Variants in PPFIA2 observed in about 807,000 individuals in gnomAD.
PPFIA2 encodes PPFI scaffold protein A2.
Under a neutral mutation model 175.5 loss-of-function variants are expected in PPFIA2, and 46 were observed. The ratio of observed to expected loss-of-function variants is 0.26; its 90% confidence interval spans 0.21 to 0.34. PPFIA2 has a LOEUF of 0.34. Ranked by LOEUF, PPFIA2 falls within the 10% of genes least tolerant of loss-of-function variation. PPFIA2 has a pLI of 1.00. For missense variants in PPFIA2, 1,179 were observed against 1,506.1 expected, an observed-to-expected ratio of 0.78 and a Z score of 3.60; for synonymous variants, 568 against 511.4, an observed-to-expected ratio of 1.11 and a Z score of -1.49.
intron 4 of PPFIA2, among the ~76,000 whole-genome samples, chr12:81,473,842 C>T (rs1464333057): frequency 6.6e-6 from 1 of 152,068 alleles, no homozygotes; most frequent in African/African-American, 2.4e-5. Flanking sequence ...GACTGTTGTC[C>T]ATGTTATGCA....
chr12:81,417,813 A>T (rs1266128392), intron 7 of PPFIA2, among the ~76,000 whole-genome samples: 2 of 151,938 alleles, frequency 1.3e-5, no homozygotes, highest in East Asian at 1.9e-4. Flanking sequence ...AATAAAGAAA[A>T]TGAGATTTAC....
At chr12:81,683,855 A>G (rs2074049583) in intron 3 of PPFIA2, among the ~76,000 whole-genome samples, 1 of 152,074 alleles carries the variant, frequency 6.6e-6, no homozygotes, top group Non-Finnish European at 1.5e-5. Flanking sequence ...TCTGCATCTG[A>G]GCAGGGCCTT....
At chr12:81,497,368 A>T (rs2060127880) in intron 4 of PPFIA2, among the ~76,000 whole-genome samples, 1 of 151,958 alleles carries the variant, frequency 6.6e-6, no homozygotes, top group Admixed American at 6.6e-5. Flanking sequence ...TTATTTGTAA[A>T]TTACTCCTTT....
At chr12:81,354,838 T>A (rs2060629713) in intron 16 of PPFIA2, among the ~76,000 whole-genome samples, 1 of 152,062 alleles carries the variant, frequency 6.6e-6, no homozygotes. Flanking sequence ...GAGATGAGAT[T>A]TCACCATGTT....
intron 4 of PPFIA2, among the ~76,000 whole-genome samples, chr12:81,543,595 T>C (rs1046859084): frequency 6.6e-6 from 1 of 152,128 alleles, no homozygotes; most frequent in Non-Finnish European, 1.5e-5. Context: ...AGGTGGAGCA[T>C]AACTCCCTAC....
chr12:81,692,597 A>T (rs1421737804), intron 3 of PPFIA2, among the ~76,000 whole-genome samples: 1 of 152,132 alleles, frequency 6.6e-6, no homozygotes, highest in Admixed American at 6.6e-5. Flanking sequence ...AGAAATAAGC[A>T]ATTTTCTTCC....
chr12:81,539,674 T>C (rs1353729508), intron 4 of PPFIA2, among the ~76,000 whole-genome samples: 1 of 151,922 alleles, frequency 6.6e-6, no homozygotes, highest in East Asian at 1.9e-4. Context: ...GTAAAAATTA[T>C]GAATTTTAAT....
At chr12:81,376,343 A>G (rs372221635) in intron 9 of PPFIA2, among the ~76,000 whole-genome samples, 1 of 152,178 alleles carries the variant, frequency 6.6e-6, no homozygotes, top group African/African-American at 2.4e-5. Context: ...GCAGTCTTCA[A>G]ATAGATAACA....
At chr12:81,554,182 AG>A (rs1344922099) in intron 4 of PPFIA2, among the ~76,000 whole-genome samples, 1 of 152,056 alleles carries the variant, frequency 6.6e-6, no homozygotes, top group African/African-American at 2.4e-5. Flanking sequence ...AGTAGGAAGA[AG>A]GGGATACAAG....
chr12:81,606,607 A>T (rs4394906), intron 4 of PPFIA2, among the ~76,000 whole-genome samples: 134,457 of 152,180 alleles, frequency 0.88, 59,524 homozygotes, highest in East Asian at 1. Context: ...TGGCCACTTG[A>T]ATGTCTTCCT....
At chr12:81,726,834 T>C (rs745795523) in intron 3 of PPFIA2, among the ~76,000 whole-genome samples, 2 of 151,308 alleles carry the variant, frequency 1.3e-5, no homozygotes, top group Non-Finnish European at 3.0e-5. Context: ...CAACAGAATG[T>C]AAGTAGAAGT....
chr12:81,420,716 A>G (rs1470106369), intron 7 of PPFIA2, among the ~76,000 whole-genome samples: 2 of 152,092 alleles, frequency 1.3e-5, no homozygotes, highest in African/African-American at 4.8e-5. Flanking sequence ...AGTCCCAAAA[A>G]GAGAAAAAGA....
At chr12:81,612,879 T>C (rs1044474301) in intron 4 of PPFIA2, among the ~76,000 whole-genome samples, 1 of 152,216 alleles carries the variant, frequency 6.6e-6, no homozygotes, top group Non-Finnish European at 1.5e-5. Context: ...TGGTGTTTTC[T>C]TTCCGTATTT....
At chr12:81,584,058 G>A (rs960714775) in intron 4 of PPFIA2, among the ~76,000 whole-genome samples, 6 of 151,624 alleles carry the variant, frequency 4.0e-5, no homozygotes, top group South Asian at 2.1e-4. Context: ...TCTTACAATC[G>A]TCTATTAAAA....
At chr12:81,521,024 T>C (rs1358296523) in intron 4 of PPFIA2, among the ~76,000 whole-genome samples, 1 of 152,208 alleles carries the variant, frequency 6.6e-6, no homozygotes, top group African/African-American at 2.4e-5. Context: ...TGTCTATTTA[T>C]ATGTTGCTCT....
At chr12:81,700,363 C>T (rs1363479402) in intron 3 of PPFIA2, among the ~76,000 whole-genome samples, 1 of 151,986 alleles carries the variant, frequency 6.6e-6, no homozygotes, top group East Asian at 1.9e-4. Context: ...TGTATGTCTA[C>T]AGCTTTCAAA....
chr12:81,438,145 C>G (rs1339762747), intron 7 of PPFIA2, among the ~76,000 whole-genome samples: 1 of 152,000 alleles, frequency 6.6e-6, no homozygotes, highest in Non-Finnish European at 1.5e-5. Context: ...AGCATATATA[C>G]ACTCATTTAA....
At chr12:81,489,499 T>C (rs1410597029) in intron 4 of PPFIA2, among the ~76,000 whole-genome samples, 2 of 151,882 alleles carry the variant, frequency 1.3e-5, no homozygotes, top group African/African-American at 2.4e-5. Flanking sequence ...GTTTTGATTA[T>C]GAACTGGGAG....
intron 32 of PPFIA2, chr12:81,260,908 T>G (rs1029326718): frequency 3.9e-5 from 6 of 152,220 alleles, no homozygotes; most frequent in African/African-American, 1.4e-4. Flanking sequence ...GAAAAAAAAT[T>G]ATGAACATTT....
Sources: gnomAD v4.1 joint callset for allele counts (sites outside exome capture counted in the v4.1 genomes callset) on GRCh38, gnomAD v4.1.1 for gene constraint, MANE v1.5 for transcripts, NCBI Gene and HGNC (gene_info 2026-07-23, HGNC 2026-07-21) for gene names.